The following MCF2L variants were observed in gnomAD, a reference collection of about 807,000 sequenced individuals.
MCF2L encodes the protein guanine nucleotide exchange factor DBS.
A neutral mutation model predicts 153.4 loss-of-function variants in MCF2L; 97 were observed. The ratio of observed to expected loss-of-function variants is 0.63; its 90% CI spans 0.54 to 0.75. The LOEUF (loss-of-function observed/expected upper bound fraction) is 0.75, where lower values mean the gene tolerates loss of function less well. MCF2L is among the 30% of genes least tolerant of loss of function. The pLI is 0.00. For missense variants in MCF2L, 1,347 were observed against 1,495.2 expected, an observed-to-expected ratio of 0.90 and a Z score of 1.64; for synonymous variants, 659 against 632.2, an observed-to-expected ratio of 1.04 and a Z score of -0.64.
chr13:113,060,632 C>T lies in MCF2L; in HGVS notation c.409C>T (p.Arg137Cys), dbSNP rs1392937084. The change falls in exon 5 of 30, where the codon CGC (arginine) becomes TGC (cysteine). Residue 137 changes from arginine to cysteine, a missense_variant. Coordinates refer to ENST00000535094, the MANE Select transcript of MCF2L (RefSeq NM_001112732.3). ...AAACCTGCAGCTCGTCCTCGTGCTT[C>T]GCCCGACGGGTTTTTTCCAAAGGAC... ...PANLQLVLVL[R>C]PTGFFQRTLS... is the part of the protein sequence containing the mutation. 7 of 1,613,592 alleles carry T rather than the reference C, an allele frequency of 4.3e-6. No homozygotes were observed. Among genetic ancestry groups the T allele is most frequent in the Admixed American group, 1.7e-5 (1 of 60,024 alleles).
At chr13:112,944,306 C>T (rs546646997) in intron 2 of MCF2L, among the ~76,000 whole-genome samples, 1 of 152,172 alleles carries the variant, frequency 6.6e-6, no homozygotes, top group South Asian at 2.1e-4. Context: ...ACTGGGAATC[C>T]ATTGCTCTGG....
In MCF2L at chr13:113,064,419, C is replaced by T. The variant is rs376533695; in HGVS notation, c.605C>T (p.Thr202Met). 2.2e-5 allele frequency: 35 copies of T among 1,605,800 alleles called. No homozygotes were observed. Among genetic ancestry groups the T allele is most frequent in the African/African-American group, 2.7e-5 (2 of 74,826 alleles). Residue 202 changes from threonine to methionine, a missense_variant and splice_region_variant, in exon 6 of 30, where the codon ACG (threonine) becomes ATG (methionine). By Grantham distance (81) the Thr-to-Met change is moderately conservative. Transcript: ENST00000535094. This position sits in a 1 kb window ranked among gnomAD's most constrained non-coding sequence, Gnocchi z 6.0. ...YCHSRWLCQR[T>M]AIESFALMVK... ...CACTCCCGGTGGCTGTGCCAGCGCA[C>T]GGTGAGCCGCGTCGGGGCCAGCGGG...
chr13:113,012,339 G>A (rs1211459837), intron 1 of MCF2L, among the ~76,000 whole-genome samples: 1 of 105,426 alleles, frequency 9.5e-6, no homozygotes, highest in Non-Finnish European at 2.1e-5. Context: ...CGGTGGACAG[G>A]CAGTGTGGAC....
At chr13:112,916,844 T>A (rs2081297464) in intron 2 of MCF2L, among the ~76,000 whole-genome samples, 1 of 152,106 alleles carries the variant, frequency 6.6e-6, no homozygotes, top group Non-Finnish European at 1.5e-5. Flanking sequence ...GATTCCTGCT[T>A]GACAGAGCTG....
intron 2 of MCF2L, among the ~76,000 whole-genome samples, chr13:112,921,270 G>A (rs1408182139): frequency 2.0e-5 from 3 of 152,138 alleles, no homozygotes; most frequent in Non-Finnish European, 2.9e-5. Context: ...AATAGGGCAG[G>A]CTGGTCAAAC....
At chr13:113,017,806 A>G (rs938644733) in intron 2 of MCF2L, among the ~76,000 whole-genome samples, 1 of 152,208 alleles carries the variant, frequency 6.6e-6, no homozygotes, top group South Asian at 2.1e-4. Context: ...ACAGGTCGAC[A>G]CCCCAGCCTG....
At position 113,078,432 on chromosome 13, in the gene MCF2L, C is replaced by T. The variant is rs760281460; in HGVS notation, c.1730C>T (p.Ala577Val). ...CTCCGGAGAGGGCCCTACCGGAGGG[C>T]CAAGGTGAGGCTTGCCCAAGACAAC... ...GALRRGPYRR[A>V]KSEMSESRQG... is the part of the protein sequence containing the mutation. The change falls in exon 14 of 30, where the codon GCC becomes GTC. Residue 577 changes from alanine (A) to valine (V), a missense_variant. Coordinates refer to ENST00000535094, the MANE Select transcript of MCF2L (RefSeq NM_001112732.3). 6.2e-7 allele frequency: 1 copy of T among 1,610,868 alleles called. No homozygotes were observed. Among genetic ancestry groups the T allele is most frequent in the South Asian group, 1.1e-5 (1 of 90,730 alleles).
At chr13:113,001,767 A>C in intron 1 of MCF2L, 1 of 1,372,888 alleles carries the variant, frequency 7.3e-7, no homozygotes, top group Non-Finnish European at 9.4e-7. Context: ...TGCCCTGCAG[A>C]GGCCAGGTCT....
chr13:113,074,301 G>A lies in MCF2L; in HGVS notation c.997-143G>A. On this transcript the variant is annotated intron_variant, in intron 9 of 29. Coordinates refer to ENST00000535094, the MANE Select transcript of MCF2L (RefSeq NM_001112732.3). This position sits in a 1 kb window ranked among gnomAD's most constrained non-coding sequence, Gnocchi z 4.2. Reference sequence around the variant, plus strand: ...ACCACTCGGGGCCGACTTTGCACCTGTCTGACTGTGGTCCCTGCTTGATTG... The same window carrying A: ...ACCACTCGGGGCCGACTTTGCACCTATCTGACTGTGGTCCCTGCTTGATTG... The A allele has an allele frequency of 3.8e-6, 4 of 1,063,980 alleles. No homozygotes were observed. Among genetic ancestry groups the A allele is most frequent in the Non-Finnish European group, 5.5e-6 (4 of 722,110 alleles). 65.9% of individuals were successfully genotyped at this position (1,063,980 alleles called of 1,614,324 possible).
intron 1 of MCF2L, among the ~76,000 whole-genome samples, chr13:113,013,408 C>G (rs1026889888): frequency 1.2e-4 from 18 of 152,292 alleles, no homozygotes; most frequent in African/African-American, 3.9e-4. Flanking sequence ...CCCCCCAACA[C>G]CAGGGTTGTG....
chr13:113,084,855 C>A, intron 18 of MCF2L, 37 bp from the exon 19 acceptor site: 1 of 1,505,824 alleles, frequency 6.6e-7, no homozygotes, highest in Non-Finnish European at 9.2e-7. Context: ...GCTGCCCATC[C>A]CTCACTGCGT....
At chr13:113,025,861 C>T (rs867081441) in intron 3 of MCF2L, among the ~76,000 whole-genome samples, 8 of 137,414 alleles carry the variant, frequency 5.8e-5, no homozygotes, top group African/African-American at 1.4e-4. Flanking sequence ...GTGGGGTCCC[C>T]GTGACTGTGG....
Position 113,087,225 on chromosome 13 carries a change from G to T in MCF2L, c.2374-10G>T. On this transcript the variant is annotated splice_polypyrimidine_tract_variant and intron_variant, in intron 21 of 29. Coordinates refer to ENST00000535094, the MANE Select transcript of MCF2L (RefSeq NM_001112732.3). ...CCGTCCTGAACACAGCCCTGCTGTC[G>T]CACATTTAGGGGAATCTCGGCGACC... 6.2e-7 allele frequency: 1 copy of T among 1,608,286 alleles called. No individual in the cohort carries two copies.
intron 23 of MCF2L, among the ~76,000 whole-genome samples, chr13:113,088,079 C>T (rs9324219): frequency 0.23 from 34,664 of 152,208 alleles, 4,143 homozygotes; most frequent in Middle Eastern, 0.33. Flanking sequence ...CACGCAGGGC[C>T]GATTCTCACG....
rs2032128979 is a variant in MCF2L at position 113,064,957 on chromosome 13, A to G, written c.628A>G (p.Met210Val). The G allele has an allele frequency of 5.6e-6, 9 of 1,612,924 alleles. No homozygotes were observed. The highest frequency in any genetic ancestry group is 1.7e-5 in the Admixed American group (1 of 60,002). Residue 210 changes from methionine (M) to valine (V), a missense_variant, in exon 7 of 30, where the codon ATG (methionine) becomes GTG (valine). Met to Val is a conservative substitution (Grantham distance 21). This residue lies in a region of MCF2L where 820 missense variants were observed against 921.2 expected (regional missense o/e 0.89). Coordinates refer to ENST00000535094, the MANE Select transcript of MCF2L (RefSeq NM_001112732.3). This position sits in a 1 kb window ranked among gnomAD's most constrained non-coding sequence, Gnocchi z 6.0. The stretch of plus-strand genomic sequence containing the variant: ...CAAGGCCATCGAAAGTTTCGCCCTC[A>G]TGGTGAAGCAGACGGCTCAGATGCT... The part of the protein sequence containing the change: ...QRTAIESFAL[M>V]VKQTAQMLQS...
intron 23 of MCF2L, among the ~76,000 whole-genome samples, chr13:113,088,080 G>A (rs956110381): frequency 6.6e-6 from 1 of 152,232 alleles, no homozygotes; most frequent in African/African-American, 2.4e-5. Context: ...ACGCAGGGCC[G>A]ATTCTCACGG....
chr13:113,009,007 G>C (rs112474565), intron 1 of MCF2L: 3,080 of 151,258 alleles, frequency 0.02, 90 homozygotes, highest in African/African-American at 0.072. Flanking sequence ...GGAGAGCGGA[G>C]AGCGAAGCTC....
intron 2 of MCF2L, among the ~76,000 whole-genome samples, chr13:112,915,410 C>CACAAAAAAAAAAAAAAAAAAAAAA (rs1555349857): frequency 2.3e-5 from 2 of 86,924 alleles, no homozygotes; most frequent in African/African-American, 1.1e-4. Flanking sequence ...CTCTGTCTCA[C>CACAAAAAAAAAAAAAAAAAAAAAA]AAAAAAAAAA....
At position 113,096,454 on chromosome 13, in the gene MCF2L, G is replaced by A. The variant is rs2035666387; in HGVS notation, c.3159G>A (p.Glu1053=). 6 of 1,593,252 alleles carry A rather than the reference G, an allele frequency of 3.8e-6. No individual in the cohort carries two copies. The highest frequency in any genetic ancestry group is 5.1e-6 in the Non-Finnish European group (6 of 1,171,132). ...ALRVRSGDVV[E]LVQEGDEGLW... ...GCGTGAGGAGCGGGGACGTGGTGGA[G>A]CTGGTGCAGGAGGGCGACGAGGGCC... Residue 1053 remains glutamate (E), a synonymous_variant, in exon 28 of 30, where the codon GAG becomes GAA. Coordinates refer to ENST00000535094, the MANE Select transcript of MCF2L (RefSeq NM_001112732.3).
Sources: allele counts gnomAD v4.1 joint callset (sites outside exome capture counted in the v4.1 genomes callset), GRCh38; gene constraint gnomAD v4.1.1; regional missense constraint gnomAD v4.1.1; non-coding constraint Gnocchi (gnomAD v3.1); transcripts MANE v1.5; gene names NCBI Gene and HGNC (gene_info 2026-07-23, HGNC 2026-07-21).